Variants in OTOGL observed in about 807,000 individuals in gnomAD.
OTOGL encodes otogelin-like protein.
OTOGL carries 285 observed loss-of-function variants against 318.5 expected under a neutral mutation model. The observed-to-expected ratio is 0.89, with a 90% CI of 0.81 to 0.99. OTOGL has a LOEUF of 0.99. OTOGL is among the 50% of genes least tolerant of loss of function. The pLI, the probability that OTOGL is intolerant of heterozygous loss-of-function variation, is 0.00. For synonymous variants in OTOGL, 987 were observed against 936.5 expected, an observed-to-expected ratio of 1.05 and a Z score of -0.99; for missense variants, 2,899 against 2,845.6, an observed-to-expected ratio of 1.02 and a Z score of -0.43.
chr12:80,193,231 A>G (rs1875818736), intron 1 of OTOGL, among the ~76,000 whole-genome samples: 4 of 152,190 alleles, frequency 2.6e-5, no homozygotes. Context: ...AGAATAAGGT[A>G]AGCAGGCCAG....
At chr12:80,149,570 C>A (rs977379306) in intron 1 of OTOGL, among the ~76,000 whole-genome samples, 5 of 151,968 alleles carry the variant, frequency 3.3e-5, no homozygotes, top group Non-Finnish European at 7.4e-5. Context: ...GGCAGGCAGG[C>A]CTCCTTGAGC....
In OTOGL at chr12:80,320,659, A is replaced by C. The variant is rs1887274744; in HGVS notation, c.4040A>C (p.Asp1347Ala). The change falls in exon 34 of 59, where the codon GAT (aspartate) becomes GCT (alanine). Residue 1347 changes from aspartate (D) to alanine (A), a missense_variant. By Grantham distance (126) the Asp-to-Ala change is moderately radical. Transcript: ENST00000547103. Reference protein sequence around the residue: ...DSSVKASKYDDSEEFKHSSSF... With the variant: ...DSSVKASKYDASEEFKHSSSF... The stretch of plus-strand genomic sequence containing the variant: ...AGTGTCAAAGCATCAAAATATGATG[A>C]TTCTGAAGAATTTAAACATTCAAGT... 4 of 1,607,612 alleles carry C rather than the reference A, an allele frequency of 2.5e-6. No individual in the cohort carries two copies. The highest frequency in any genetic ancestry group is 3.4e-6 in the Non-Finnish European group (4 of 1,176,628).
intron 27 of OTOGL, 26 bp from the exon 28 acceptor site, chr12:80,302,608 T>C: frequency 7.7e-7 from 1 of 1,296,778 alleles, no homozygotes; most frequent in Non-Finnish European, 9.9e-7. Context: ...CTACTCACTT[T>C]GTTTATTTTC....
chr12:80,257,782 C>A lies in OTOGL; in HGVS notation c.1712-43C>A, dbSNP rs751914350. On this transcript the variant is annotated intron_variant, in intron 17 of 58. Coordinates refer to ENST00000547103, the MANE Select transcript of OTOGL (RefSeq NM_001378609.3). The stretch of plus-strand genomic sequence containing the variant: ...GTACCCTAGCATTTCAGAACACCGT[C>A]TATGAATGTCAAAGCTGATTTACGT... The A allele has an allele frequency of 3.2e-5, 46 of 1,440,396 alleles. 1 individual carries two copies. In the South Asian group the frequency reaches 5.8e-4, roughly 18 times the overall value. The allele number at this position is 1,440,396 out of a possible 1,614,324, so 89.2% of individuals were successfully genotyped here.
At chr12:80,145,539 G>A (rs919017473) in intron 1 of OTOGL, among the ~76,000 whole-genome samples, 60 of 151,020 alleles carry the variant, frequency 4.0e-4, no homozygotes, top group African/African-American at 1.1e-3. Flanking sequence ...TTGGCGATGC[G>A]GGCTCTTTTT....
In OTOGL at chr12:80,171,411, G is replaced by A. The variant is rs191411210; in HGVS notation, c.-19-38002G>A. Reference sequence around the variant, plus strand: ...CTTTGTTTGTTTTTTTGTTTTGCACGTGGAAGTCCAATTGTCCTAGCACCA... The same window carrying A: ...CTTTGTTTGTTTTTTTGTTTTGCACATGGAAGTCCAATTGTCCTAGCACCA... On this transcript the variant is annotated intron_variant, in intron 1 of 58. Coordinates refer to ENST00000547103, the MANE Select transcript of OTOGL (RefSeq NM_001378609.3). 2.2e-3 allele frequency among the ~76,000 whole-genome samples: 334 copies of A among 152,214 alleles called. 1 individual carries two copies. Among genetic ancestry groups the A allele is most frequent in the African/African-American group, 4.9e-3 (204 of 41,538 alleles).
In OTOGL at chr12:80,368,212, TATA is replaced by T. The variant is rs1476247721; in HGVS notation, c.6519_6521del (p.Tyr2174del). ...TAATATCATTATATGCAGCACCAGG[TATA>T]TACTCCATCCCCAAGTGATTATGGT... On this transcript the variant is annotated inframe_deletion, in exon 55 of 59. Coordinates refer to ENST00000547103, the MANE Select transcript of OTOGL (RefSeq NM_001378609.3). 1 of 1,592,542 alleles carries T rather than the reference TATA, an allele frequency of 6.3e-7. No individual in the cohort carries two copies. The highest frequency in any genetic ancestry group is 1.1e-5 in the South Asian group (1 of 88,584).
intron 26 of OTOGL, among the ~76,000 whole-genome samples, chr12:80,292,816 T>A (rs1446050415): frequency 6.6e-6 from 1 of 152,212 alleles, no homozygotes; most frequent in African/African-American, 2.4e-5. Flanking sequence ...AATGACACAT[T>A]CATATAAAAA....
rs896403697 is a variant in OTOGL, at chr12:80,210,776, T to C, written c.80-71T>C. 9 of 1,111,682 alleles carry C rather than the reference T, an allele frequency of 8.1e-6. No individual in the cohort carries two copies. In the African/African-American group the frequency reaches 1.3e-4, roughly 16 times the overall value. 68.9% of individuals were successfully genotyped at this position (1,111,682 alleles called of 1,614,324 possible). ...TAGAATTTAGGTTAAAATGTTCTTT[T>C]AAACAACTGGAACATGTAGCCAATA... On this transcript the variant is annotated intron_variant, in intron 2 of 58. Transcript: ENST00000547103.
chr12:80,217,648 T>C lies in OTOGL; in HGVS notation c.219T>C (p.Gly73=). The C allele has an allele frequency of 6.5e-7, 1 of 1,549,356 alleles. No homozygotes were observed. The highest frequency in any genetic ancestry group is 8.7e-7 in the Non-Finnish European group (1 of 1,144,532). ...TTTTCCATGATGCTATTAATTGGGG[T>C]GAGAGCAAAATAAAAGGTCAGTGTT... ...RYFFHDAINW[G]ESKIKGSCPY... Residue 73 remains glycine (G), a synonymous_variant, in exon 5 of 59, where the codon GGT becomes GGC. Transcript: ENST00000547103.
At chr12:80,295,955 G>A (rs1323605656) in intron 26 of OTOGL, among the ~76,000 whole-genome samples, 1 of 53,410 alleles carries the variant, frequency 1.9e-5, no homozygotes, top group Non-Finnish European at 5.8e-5. Context: ...TAAACTGGGG[G>A]AGAAAGTTAG....
intron 29 of OTOGL, among the ~76,000 whole-genome samples, chr12:80,308,347 G>C (rs1886371193): frequency 6.6e-6 from 1 of 150,960 alleles, no homozygotes; most frequent in Non-Finnish European, 1.5e-5. Flanking sequence ...TCCGGGCAGA[G>C]ACGCTCCTCA....
chr12:80,338,980 G>T (rs1888578495), intron 42 of OTOGL, 95 bp from the exon 43 acceptor site: 3 of 1,048,750 alleles, frequency 2.9e-6, no homozygotes, highest in Non-Finnish European at 2.7e-6. Context: ...TTAAAAAATA[G>T]TTTACATTAA....
chr12:80,289,613 G>C (rs1217836920), intron 26 of OTOGL, among the ~76,000 whole-genome samples: 2 of 152,206 alleles, frequency 1.3e-5, no homozygotes, highest in African/African-American at 4.8e-5. Flanking sequence ...GGAATCCAGA[G>C]AGGTAGTCTG....
At chr12:80,291,949 ATTTTC>A (rs1313848869) in intron 26 of OTOGL, among the ~76,000 whole-genome samples, 1 of 151,730 alleles carries the variant, frequency 6.6e-6, no homozygotes, top group African/African-American at 2.4e-5. Context: ...AGAAAGAAAT[ATTTTC>A]TTTTCTTTTT....
intron 1 of OTOGL, among the ~76,000 whole-genome samples, chr12:80,166,306 A>G (rs1012493436): frequency 6.6e-6 from 1 of 151,912 alleles, no homozygotes; most frequent in Non-Finnish European, 1.5e-5. Context: ...ACATGCATAC[A>G]TATTTAAAAT....
At chr12:80,357,815 G>A (rs1043924828) in intron 49 of OTOGL, among the ~76,000 whole-genome samples, 14 of 152,166 alleles carry the variant, frequency 9.2e-5, no homozygotes, top group Admixed American at 9.2e-4. Context: ...TGTGGGTGGT[G>A]CATTTCCTCA....
intron 18 of OTOGL, among the ~76,000 whole-genome samples, 170 bp from the exon 19 acceptor site, chr12:80,261,799 G>C (rs1266913910): frequency 1.3e-5 from 2 of 152,030 alleles, no homozygotes; most frequent in African/African-American, 4.8e-5. Context: ...CAAAATGTCA[G>C]TAATATGGAG....
At chr12:80,109,678 T>C (rs1329973491) in intron 1 of OTOGL, among the ~76,000 whole-genome samples, 2 of 152,214 alleles carry the variant, frequency 1.3e-5, no homozygotes, top group African/African-American at 4.8e-5. Context: ...TAACACCTGA[T>C]TGGCCAGATC....
Sources: gnomAD v4.1 joint callset for allele counts (sites outside exome capture counted in the v4.1 genomes callset) on GRCh38, gnomAD v4.1.1 for gene constraint, MANE v1.5 for transcripts, NCBI Gene and HGNC (gene_info 2026-07-23, HGNC 2026-07-21) for gene names.